The following CTCFL variants were observed in gnomAD, a reference collection of about 807,000 sequenced individuals.
CTCFL encodes the protein CCCTC-binding factor like.
CTCFL carries 36 observed loss-of-function variants against 67.4 expected under a neutral mutation model. The ratio of observed to expected loss-of-function variants is 0.53; its 90% CI spans 0.41 to 0.71. CTCFL has a LOEUF of 0.71. Ranked by LOEUF, CTCFL falls within the 30% of genes least tolerant of loss-of-function variation. CTCFL has a pLI of 0.00. For synonymous variants in CTCFL, 324 were observed against 302.3 expected, an observed-to-expected ratio of 1.07 and a Z score of -0.75; for missense variants, 786 against 835.2, an observed-to-expected ratio of 0.94 and a Z score of 0.73.
chr20:57,502,798 G>T (rs1258843392), intron 10 of CTCFL, among the ~76,000 whole-genome samples: 2 of 152,228 alleles, frequency 1.3e-5, no homozygotes, highest in Non-Finnish European at 2.9e-5. Flanking sequence ...GCTGAATGGT[G>T]ACCCCTAAAG....
intron 3 of CTCFL, among the ~76,000 whole-genome samples, chr20:57,519,972 C>T (rs1211771601): frequency 2.0e-5 from 3 of 151,366 alleles, no homozygotes; most frequent in African/African-American, 7.3e-5. Flanking sequence ...TGCCCAAAGG[C>T]CACATGGAGA....
In CTCFL at chr20:57,503,422, C is replaced by T. The variant is rs192578190; in HGVS notation, c.1840+14G>A. On this transcript the variant is annotated intron_variant, in intron 10 of 10. Coordinates refer to ENST00000243914, the MANE Select transcript of CTCFL (RefSeq NM_001386993.1). ...CACTGAGGCGGTAAAAACAAATCTG[C>T]GTAAAATCAGTACCGTCTCCGTTCG... 1.7e-4 allele frequency: 278 copies of T among 1,613,732 alleles called. No homozygotes were observed. The East Asian group carries it at 4.3e-3, about 25-fold the overall frequency.
chr20:57,514,821 T>C (rs1294647577), intron 6 of CTCFL, 80 bp from the exon 7 acceptor site: 1 of 1,493,238 alleles, frequency 6.7e-7, no homozygotes, highest in African/African-American at 1.4e-5. Flanking sequence ...GTGTTTTTTT[T>C]TTTTGCCCCA....
At chr20:57,518,926 G>T (rs1332617139) in intron 4 of CTCFL, 35 bp from the exon 5 acceptor site, 9 of 1,575,476 alleles carry the variant, frequency 5.7e-6, no homozygotes, top group South Asian at 1.2e-5. Context: ...TTCAAAACAA[G>T]ACTTAACCAG....
chr20:57,504,094 A>G (rs1482410722), intron 9 of CTCFL, among the ~76,000 whole-genome samples: 1 of 151,700 alleles, frequency 6.6e-6, no homozygotes. Context: ...CTCCTGCCTC[A>G]GCCTCCCAAG....
chr20:57,496,131 C>A, downstream of CTCFL: 1 of 404,584 alleles, frequency 2.5e-6, no homozygotes, highest in East Asian at 3.5e-5. Flanking sequence ...ATCACGGGGG[C>A]GGTTTCTTAG....
intron 9 of CTCFL, among the ~76,000 whole-genome samples, chr20:57,505,625 A>G (rs1299972919): frequency 1.3e-5 from 2 of 152,364 alleles, no homozygotes; most frequent in Middle Eastern, 3.4e-3. Context: ...AAAATTCAAT[A>G]CATCAGTCAA....
chr20:57,515,549 G>A, intron 6 of CTCFL, 165 bp downstream of exon 6: 1 of 795,228 alleles, frequency 1.3e-6, no homozygotes, highest in Non-Finnish European at 2.0e-6. Flanking sequence ...CTCTCTTACT[G>A]CTAAATAAAG....
At chr20:57,503,627 A>C (rs773838819) in intron 9 of CTCFL, 26 bp from the exon 10 acceptor site, 14 of 1,612,844 alleles carry the variant, frequency 8.7e-6, no homozygotes, top group Non-Finnish European at 1.2e-5. Flanking sequence ...CACAGAACAC[A>C]CAAGGCGAGT....
chr20:57,505,573 A>G (rs962586454), intron 9 of CTCFL, among the ~76,000 whole-genome samples: 1 of 152,208 alleles, frequency 6.6e-6, no homozygotes, highest in South Asian at 2.1e-4. Context: ...TTATTTTTCT[A>G]GAATGTTTCT....
chr20:57,508,551 C>T, intron 9 of CTCFL, 55 bp downstream of exon 9: 1 of 1,552,362 alleles, frequency 6.4e-7, no homozygotes. Context: ...ACACTGTCCT[C>T]CTGAGATAGA....
rs577999132 is a variant in CTCFL, at chr20:57,525,102, G to C, written c.-86C>G. Reference sequence around the variant, plus strand: ...GGCTCTGCCTCGTGCACCGCGTGCTGCAGCCCACAGCCGGCCGCCGCCGGG... The same window carrying C: ...GGCTCTGCCTCGTGCACCGCGTGCTCCAGCCCACAGCCGGCCGCCGCCGGG... On this transcript the variant is annotated 5_prime_UTR_variant, in exon 1 of 11. Coordinates refer to ENST00000243914, the MANE Select transcript of CTCFL (RefSeq NM_001386993.1). 6.6e-6 allele frequency: 1 copy of C among 152,190 alleles called. No individual in the cohort carries two copies. The highest frequency in any genetic ancestry group is 2.1e-4 in the South Asian group (1 of 4,822). The allele number at this position is 152,190 out of a possible 1,614,324, so 9.4% of individuals were successfully genotyped here. A position where few individuals can be genotyped will look rare whatever the true frequency, so the allele number is the denominator to read the frequency against.
At chr20:57,516,234 A>G (rs2068913787) in intron 5 of CTCFL, among the ~76,000 whole-genome samples, 1 of 152,204 alleles carries the variant, frequency 6.6e-6, no homozygotes. Context: ...GCATAAAGTG[A>G]AAATCTTGAA....
intron 8 of CTCFL, among the ~76,000 whole-genome samples, chr20:57,509,258 T>C (rs1308097386): frequency 6.6e-6 from 1 of 151,760 alleles, no homozygotes; most frequent in Non-Finnish European, 1.5e-5. Flanking sequence ...TACTTCCCAA[T>C]AGTATCGTAA....
chr20:57,505,623 A>G (rs2068165432), intron 9 of CTCFL, among the ~76,000 whole-genome samples: 1 of 152,258 alleles, frequency 6.6e-6, no homozygotes, highest in Non-Finnish European at 1.5e-5. Context: ...CAAAAATTCA[A>G]TACATCAGTC....
intron 10 of CTCFL, among the ~76,000 whole-genome samples, chr20:57,503,033 G>A (rs1181909736): frequency 1.3e-5 from 2 of 152,170 alleles, no homozygotes; most frequent in Non-Finnish European, 2.9e-5. Flanking sequence ...CCTCCCCTAG[G>A]TCCCCCGAGG....
chr20:57,500,016 C>T (rs765081141), intron 10 of CTCFL: 1 of 987,170 alleles, frequency 1.0e-6, no homozygotes, highest in Non-Finnish European at 1.2e-6. Flanking sequence ...CAGAGCGCCA[C>T]ACTGAAGAAC....
At chr20:57,501,696 A>C (rs2067925025) in intron 10 of CTCFL, among the ~76,000 whole-genome samples, 2 of 151,970 alleles carry the variant, frequency 1.3e-5, no homozygotes, top group Admixed American at 1.3e-4. Context: ...GATGGCGGGA[A>C]CTCCAGCTGG....
At position 57,518,977 on chromosome 20, in the gene CTCFL, T is replaced by C. The variant is rs2069135400; in HGVS notation, c.926-86A>G. 3 of 1,454,974 alleles carry C rather than the reference T, an allele frequency of 2.1e-6. No individual in the cohort carries two copies. The East Asian group carries it at 6.9e-5, about 33-fold the overall frequency. 90.1% of individuals were successfully genotyped at this position (1,454,974 alleles called of 1,614,324 possible). The stretch of plus-strand genomic sequence containing the variant: ...TTCATAGCTTTTTAATTACACTCAG[T>C]CTCAAAAATGCTTTAAAAATTAAGA... On this transcript the variant is annotated intron_variant, in intron 4 of 10. Coordinates refer to ENST00000243914, the MANE Select transcript of CTCFL (RefSeq NM_001386993.1).
Sources: gnomAD v4.1 joint callset for allele counts (sites outside exome capture counted in the v4.1 genomes callset) on GRCh38, gnomAD v4.1.1 for gene constraint, MANE v1.5 for transcripts, NCBI Gene and HGNC (gene_info 2026-07-23, HGNC 2026-07-21) for gene names.